GAS7: variants seen among roughly 807,000 people sequenced by gnomAD.
GAS7 encodes the protein growth arrest-specific protein 7.
In GAS7, 28 loss-of-function variants were observed where a neutral mutation model predicts 71.1. The observed-to-expected ratio is 0.39, with a 90% CI of 0.29 to 0.54. The LOEUF is 0.54. Among genes scored for constraint, GAS7 ranks in the 20% least tolerant of loss-of-function variants. The pLI is 0.62. For synonymous variants in GAS7, 258 were observed against 245.8 expected, an observed-to-expected ratio of 1.05 and a Z score of -0.46; for missense variants, 436 against 627.8, an observed-to-expected ratio of 0.69 and a Z score of 3.27.
At position 10,123,166 on chromosome 17, in the gene GAS7, G is replaced by A. The variant is rs571216879; in HGVS notation, c.183+75042C>T. Among the ~76,000 whole-genome samples the A allele has an allele frequency of 2.6e-5, 4 of 152,262 alleles. 1 individual carries two copies. Among genetic ancestry groups the A allele is most frequent in the African/African-American group, 9.6e-5 (4 of 41,562 alleles). Reference sequence around the variant, plus strand: ...GGGCATGTGCTCTCCAGGTTGTGGTGGGCCTCAAGACTCACTGGAGTCACC... The same window carrying A: ...GGGCATGTGCTCTCCAGGTTGTGGTAGGCCTCAAGACTCACTGGAGTCACC... On this transcript the variant is annotated intron_variant, in intron 1 of 13. Transcript: ENST00000432992.
Position 9,981,685 on chromosome 17 carries a change from C to A in GAS7, c.385+119G>T. Reference sequence around the variant, plus strand: ...TAAGGGACCCTCTCCCAGGCCCAACCCCTCCCTGGGTTTGCTACATCAGCC... The same window carrying A: ...TAAGGGACCCTCTCCCAGGCCCAACACCTCCCTGGGTTTGCTACATCAGCC... On this transcript the variant is annotated intron_variant, in intron 3 of 13. Transcript: ENST00000432992. The surrounding 1 kb of genome is among the most constrained non-coding windows in gnomAD (Gnocchi z 4.4). 1.5e-6 allele frequency: 1 copy of A among 686,740 alleles called. No homozygotes were observed. 42.5% of individuals were successfully genotyped at this position (686,740 alleles called of 1,614,324 possible). A position where few individuals can be genotyped will look rare whatever the true frequency, so the allele number is the denominator to read the frequency against.
rs2067582389 is a variant in GAS7, at chr17:9,916,376, C to G, written c.*852G>C. ...AGCTGGTTTGTTTCCATCCCTGAAG[C>G]CTTTGGACGAGCTGGATGAGGTCTT... On this transcript the variant is annotated 3_prime_UTR_variant, in exon 14 of 14. Coordinates refer to ENST00000432992, the MANE Select transcript of GAS7 (RefSeq NM_201433.2). The G allele has an allele frequency of 4.3e-6, 1 of 233,212 alleles. No homozygotes were observed. The highest frequency in any genetic ancestry group is 8.5e-6 in the Non-Finnish European group (1 of 118,100). The allele number at this position is 233,212 out of a possible 1,614,324, so 14.4% of individuals were successfully genotyped here.
chr17:9,977,398 A>G lies in GAS7; in HGVS notation c.385+4406T>C, dbSNP rs373287303. Among the ~76,000 whole-genome samples the G allele has an allele frequency of 3.3e-5, 5 of 152,208 alleles. 1 individual carries two copies. On this transcript the variant is annotated intron_variant, in intron 3 of 13. Coordinates refer to ENST00000432992, the MANE Select transcript of GAS7 (RefSeq NM_201433.2). Reference sequence around the variant, plus strand: ...ATGACTCATACATGAAACTCCCAGCATCTCCCTTTTCACTCATTTTCTTTC... The same window carrying G: ...ATGACTCATACATGAAACTCCCAGCGTCTCCCTTTTCACTCATTTTCTTTC...
chr17:10,019,712 G>T, intron 2 of GAS7, 65 bp downstream of exon 2: 2 of 1,498,706 alleles, frequency 1.3e-6, no homozygotes, highest in Non-Finnish European at 1.8e-6. Flanking sequence ...GAGAAAAAAC[G>T]TGCCCCTCTA....
In GAS7 at chr17:9,926,761, G is replaced by T. The variant is rs756352154; in HGVS notation, c.894C>A (p.Ser298Arg). Reference protein sequence around the residue: ...VHLKFSAKLHSEVEKPLMNFR... With the variant: ...VHLKFSAKLHREVEKPLMNFR... ...AGTTCATCAGGGGCTTCTCCACCTC[G>T]CTGTGAAGCTGTTGGGAGAGTAGAG... Residue 298 changes from serine to arginine, a missense_variant, in exon 10 of 14, where the codon AGC (serine) becomes AGA (arginine). Coordinates refer to ENST00000432992, the MANE Select transcript of GAS7 (RefSeq NM_201433.2). The surrounding 1 kb of genome is among the most constrained non-coding windows in gnomAD (Gnocchi z 5.0). 1.2e-6 allele frequency: 2 copies of T among 1,614,034 alleles called. No homozygotes were observed. Among genetic ancestry groups the T allele is most frequent in the Non-Finnish European group, 1.7e-6 (2 of 1,179,948 alleles).
intron 1 of GAS7, among the ~76,000 whole-genome samples, chr17:10,127,719 C>T (rs1597807670): frequency 6.6e-6 from 1 of 152,200 alleles, no homozygotes. Flanking sequence ...AGGTGTGAAC[C>T]GACCCCAGTC....
intron 1 of GAS7, among the ~76,000 whole-genome samples, chr17:10,087,168 A>G (rs1311716133): frequency 6.6e-6 from 1 of 152,230 alleles, no homozygotes; most frequent in Non-Finnish European, 1.5e-5. Context: ...CTGAGATCTC[A>G]GGGTGAGTTC....
rs2073008903 is a variant in GAS7, at chr17:10,048,243, A to G, written c.184-28346T>C. On this transcript the variant is annotated intron_variant, in intron 1 of 13. Coordinates refer to ENST00000432992, the MANE Select transcript of GAS7 (RefSeq NM_201433.2). ...CTTGAACCAAGGAGGCGGAGGTTGC[A>G]GAGAGCGGTGATCGCGCCATTGCAA... 3.3e-5 allele frequency among the ~76,000 whole-genome samples: 5 copies of G among 152,270 alleles called. No individual in the cohort carries two copies. The South Asian group carries it at 1.0e-3, about 31-fold the overall frequency.
intron 1 of GAS7, among the ~76,000 whole-genome samples, chr17:10,085,410 G>A (rs1029498335): frequency 5.3e-5 from 8 of 152,110 alleles, no homozygotes; most frequent in Admixed American, 3.9e-4. Context: ...CCAGCCGGGC[G>A]CAGTGGCTCA....
At position 9,912,669 on chromosome 17, in the gene GAS7, G is replaced by A. The variant is rs976475820; in HGVS notation, c.*4559C>T. The A allele has an allele frequency of 1.2e-4, 27 of 232,632 alleles. No homozygotes were observed. Among genetic ancestry groups the A allele is most frequent in the Admixed American group, 4.5e-4 (8 of 17,766 alleles). 14.4% of individuals were successfully genotyped at this position (232,632 alleles called of 1,614,324 possible). On this transcript the variant is annotated 3_prime_UTR_variant, in exon 14 of 14. Coordinates refer to ENST00000432992, the MANE Select transcript of GAS7 (RefSeq NM_201433.2). ...TTCTGCACTACCAAAAACCCACCAC[G>A]CGCCAAAAGGCGAGTGTGAGCCCTA...
intron 11 of GAS7, among the ~76,000 whole-genome samples, chr17:9,925,150 C>T (rs957050231): frequency 1.3e-5 from 2 of 151,376 alleles, no homozygotes; most frequent in African/African-American, 4.9e-5. Flanking sequence ...GGAGTTTGTC[C>T]ACCTCCTGGT....
intron 8 of GAS7, among the ~76,000 whole-genome samples, chr17:9,938,701 C>T (rs1301960409): frequency 6.6e-6 from 1 of 152,014 alleles, no homozygotes; most frequent in East Asian, 1.9e-4. Flanking sequence ...CAGTCTGGGA[C>T]ATCTTGTGGC....
intron 1 of GAS7, among the ~76,000 whole-genome samples, chr17:10,043,679 C>G (rs953829963): frequency 2.6e-5 from 4 of 152,182 alleles, no homozygotes; most frequent in African/African-American, 9.7e-5. Context: ...CCTTGGGAGG[C>G]TGAAGTGGGA....
At chr17:9,933,578 C>G (rs147725403) in intron 9 of GAS7, among the ~76,000 whole-genome samples, 1 of 152,142 alleles carries the variant, frequency 6.6e-6, no homozygotes. Context: ...TATAGTGGCT[C>G]ATGTCTGTGA....
chr17:10,162,456 G>A (rs1258615800), intron 1 of GAS7, among the ~76,000 whole-genome samples: 1 of 152,070 alleles, frequency 6.6e-6, no homozygotes, highest in Non-Finnish European at 1.5e-5. Context: ...ACTCATTCTT[G>A]ACAAGCACTC....
intron 1 of GAS7, among the ~76,000 whole-genome samples, chr17:10,185,087 G>C (rs1244473633): frequency 6.6e-6 from 1 of 152,106 alleles, no homozygotes; most frequent in Non-Finnish European, 1.5e-5. Flanking sequence ...CACCACACCA[G>C]GCTCATTTGT....
chr17:10,121,555 G>A (rs972285696), intron 1 of GAS7, among the ~76,000 whole-genome samples: 14 of 152,172 alleles, frequency 9.2e-5, no homozygotes, highest in South Asian at 6.2e-4. Flanking sequence ...GGTCTATTGT[G>A]AGGATTAAAT....
chr17:9,987,961 C>T (rs982267044), intron 2 of GAS7, among the ~76,000 whole-genome samples: 2 of 152,212 alleles, frequency 1.3e-5, no homozygotes, highest in Non-Finnish European at 2.9e-5. Context: ...TGCTGGGGCT[C>T]GTCCACTTTT....
rs2067459232 is a variant in GAS7 at position 9,912,270 on chromosome 17, G to T, written c.*4958C>A. On this transcript the variant is annotated 3_prime_UTR_variant, in exon 14 of 14. Transcript: ENST00000432992. ...AGGCAATTCTATGCACGATTGTGCA[G>T]ATGAGAGCCAGACACAGCATGAACA... The T allele has an allele frequency of 4.3e-6, 1 of 232,944 alleles. No individual in the cohort carries two copies. The highest frequency in any genetic ancestry group is 6.0e-5 in the East Asian group (1 of 16,544). The allele number at this position is 232,944 out of a possible 1,614,324, so 14.4% of individuals were successfully genotyped here.
Sources: allele counts gnomAD v4.1 joint callset (sites outside exome capture counted in the v4.1 genomes callset), GRCh38; gene constraint gnomAD v4.1.1; non-coding constraint Gnocchi (gnomAD v3.1); transcripts MANE v1.5; gene names NCBI Gene and HGNC (gene_info 2026-07-23, HGNC 2026-07-21).